The following NOP58 variants were observed in gnomAD, a reference collection of about 807,000 sequenced individuals.
The protein encoded by NOP58 is nucleolar protein 58.
Under a neutral mutation model 71.2 loss-of-function variants are expected in NOP58, and 44 were observed. The observed-to-expected ratio is 0.62, with a 90% CI of 0.49 to 0.79. NOP58 has a LOEUF of 0.79. NOP58 is among the 30% of genes least tolerant of loss of function. The pLI, the probability that NOP58 is intolerant of heterozygous loss-of-function variation, is 0.00. For missense variants in NOP58, 538 were observed against 620.2 expected (o/e 0.87, Z 1.41); for synonymous variants, 228 against 200.3 (o/e 1.14, Z -1.17).
intron 13 of NOP58, 50 bp downstream of exon 13, chr2:202,300,417 C>T: frequency 6.8e-7 from 1 of 1,474,236 alleles, no homozygotes; most frequent in Non-Finnish European, 9.1e-7. Context: ...TTCTTTAGAA[C>T]TGTGGATTTT....
At chr2:202,284,057 G>A (rs981809840) in intron 4 of NOP58, among the ~76,000 whole-genome samples, 6 of 151,932 alleles carry the variant, frequency 3.9e-5, no homozygotes, top group Middle Eastern at 6.8e-3. Flanking sequence ...TGAGGCGGGC[G>A]GATCACTTGA....
intron 13 of NOP58, 71 bp from the exon 14 acceptor site, chr2:202,302,850 C>G (rs1256045405): frequency 2.6e-6 from 4 of 1,510,528 alleles, no homozygotes; most frequent in Admixed American, 2.3e-5. Context: ...AACTAGGACT[C>G]AAACGTTTTT....
intron 2 of NOP58, chr2:202,276,641 A>G: frequency 3.1e-6 from 1 of 321,196 alleles, no homozygotes; most frequent in Non-Finnish European, 6.4e-6. Context: ...GGAGTTCAAG[A>G]CCAGCCTGGG....
Position 202,297,386 on chromosome 2 carries a change from G to A in NOP58, c.1079G>A (p.Arg360Gln). ...TTCATGTTTTTCTATTAGATTTCTC[G>A]AATGCTGGCAGCCAAAACCGTTTTG... ...TSPKHKGKIS[R>Q]MLAAKTVLAI... Residue 360 changes from arginine to glutamine, a missense_variant, in exon 11 of 15, where the codon CGA (arginine) becomes CAA (glutamine). Transcript: ENST00000264279. The A allele has an allele frequency of 1.2e-6, 2 of 1,611,340 alleles. No individual in the cohort carries two copies. The highest frequency in any genetic ancestry group is 2.2e-5 in the East Asian group (1 of 44,830).
chr2:202,281,647 C>T (rs1008077397), intron 3 of NOP58, among the ~76,000 whole-genome samples: 1 of 152,142 alleles, frequency 6.6e-6, no homozygotes, highest in Admixed American at 6.5e-5. Flanking sequence ...GCCGTGTTGG[C>T]CAGGCTGGTG....
At chr2:202,286,278 G>C (rs142470849) in intron 5 of NOP58, among the ~76,000 whole-genome samples, 5,018 of 151,808 alleles carry the variant, frequency 0.033, 289 homozygotes, top group African/African-American at 0.12. Flanking sequence ...GCTGAGGCAG[G>C]TGAATCATGA....
At chr2:202,302,459 G>A (rs1241695052) in intron 13 of NOP58, among the ~76,000 whole-genome samples, 1 of 152,128 alleles carries the variant, frequency 6.6e-6, no homozygotes. Flanking sequence ...ATTATACTTA[G>A]TGCTTTCTAT....
chr2:202,266,181 G>A lies in NOP58; in HGVS notation c.45+195G>A, dbSNP rs1474410315. ...GTGGCCCCGCCGTTTGGGGAGACCC[G>A]TTCTGCATTAGAGGATTTTATTTCC... On this transcript the variant is annotated intron_variant, in intron 1 of 14. Transcript: ENST00000264279. 2.6e-5 allele frequency among the ~76,000 whole-genome samples: 4 copies of A among 152,172 alleles called. 1 individual carries two copies. In the South Asian group the frequency reaches 8.3e-4, roughly 32 times the overall value.
At chr2:202,281,529 TC>T (rs1688704296) in intron 3 of NOP58, among the ~76,000 whole-genome samples, 2 of 152,094 alleles carry the variant, frequency 1.3e-5, no homozygotes, top group Non-Finnish European at 2.9e-5. Flanking sequence ...AGCCTTGAAC[TC>T]CCTGGGCTCA....
chr2:202,283,473 A>G (rs1574381610), intron 4 of NOP58, among the ~76,000 whole-genome samples: 1 of 138,442 alleles, frequency 7.2e-6, no homozygotes, highest in Non-Finnish European at 1.5e-5. Context: ...ACGGAGTCTC[A>G]CTCTGTCGCT....
chr2:202,303,473 T>A lies in NOP58; in HGVS notation c.*37T>A, dbSNP rs1187990307. ...TACGATTATATCACCCGGACACACA[T>A]CATGCTTAAGATTCAACTGGGAGCA... On this transcript the variant is annotated 3_prime_UTR_variant, in exon 15 of 15. Coordinates refer to ENST00000264279, the MANE Select transcript of NOP58 (RefSeq NM_015934.5). The A allele has an allele frequency of 6.3e-7, 1 of 1,587,432 alleles. No individual in the cohort carries two copies. Among genetic ancestry groups the A allele is most frequent in the Non-Finnish European group, 8.6e-7 (1 of 1,165,878 alleles).
At chr2:202,300,434 C>A in intron 13 of NOP58, 67 bp downstream of exon 13, 2 of 1,322,716 alleles carry the variant, frequency 1.5e-6, no homozygotes, top group Non-Finnish European at 2.1e-6. Flanking sequence ...TTTTGTGAGT[C>A]TTAAAAGTAC....
At chr2:202,266,342 A>C (rs1380083844) in intron 1 of NOP58, among the ~76,000 whole-genome samples, 3 of 150,660 alleles carry the variant, frequency 2.0e-5, no homozygotes, top group African/African-American at 4.9e-5. Flanking sequence ...CTTGTTGCCC[A>C]TGCTGGAGTG....
chr2:202,276,447 A>T (rs1311644534), intron 2 of NOP58: 1 of 513,760 alleles, frequency 1.9e-6, no homozygotes, highest in South Asian at 1.4e-5. Context: ...GTTGTCAATG[A>T]TGTATTCTTC....
chr2:202,297,917 T>G lies in NOP58; in HGVS notation c.1268+11T>G. 1 of 1,526,964 alleles carries G rather than the reference T, an allele frequency of 6.5e-7. No individual in the cohort carries two copies. 94.6% of individuals were successfully genotyped at this position (1,526,964 alleles called of 1,614,324 possible). On this transcript the variant is annotated intron_variant, in intron 12 of 14. Coordinates refer to ENST00000264279, the MANE Select transcript of NOP58 (RefSeq NM_015934.5). ...ATATGAACACAAAAGGTGAGTACAT[T>G]TAAGTGAGGATGGGGTGAATAGTTT...
At chr2:202,284,918 A>T (rs1432644845) in intron 5 of NOP58, among the ~76,000 whole-genome samples, 1 of 152,150 alleles carries the variant, frequency 6.6e-6, no homozygotes, top group Non-Finnish European at 1.5e-5. Flanking sequence ...TAATAAGGCA[A>T]AGAGGACTAG....
intron 12 of NOP58, among the ~76,000 whole-genome samples, chr2:202,299,650 CAT>C (rs139265658): frequency 0.1 from 15,837 of 152,132 alleles, 997 homozygotes; most frequent in South Asian, 0.24. Flanking sequence ...TTACTTTAAA[CAT>C]ATGCACTTAA....
At chr2:202,290,817 T>C in intron 7 of NOP58, among the ~76,000 whole-genome samples, 1 of 152,096 alleles carries the variant, frequency 6.6e-6, no homozygotes, top group East Asian at 1.9e-4. Context: ...AAATTGTCTG[T>C]GACATTATTA....
intron 6 of NOP58, among the ~76,000 whole-genome samples, chr2:202,289,152 G>T (rs1393843389): frequency 2.0e-5 from 3 of 151,812 alleles, no homozygotes; most frequent in Non-Finnish European, 4.4e-5. Flanking sequence ...CTCAACCAGC[G>T]ATTCCTTTCC....
Sources: gnomAD v4.1 joint callset for allele counts (sites outside exome capture counted in the v4.1 genomes callset) on GRCh38, gnomAD v4.1.1 for gene constraint, MANE v1.5 for transcripts, NCBI Gene and HGNC (gene_info 2026-07-23, HGNC 2026-07-21) for gene names.